The following TRIT1 variants were observed in gnomAD, a reference collection of about 807,000 sequenced individuals.
TRIT1 encodes tRNA isopentenyltransferase 1.
Under a neutral mutation model 51.2 loss-of-function variants are expected in TRIT1, and 43 were observed. The ratio of observed to expected loss-of-function variants is 0.84; its 90% CI spans 0.66 to 1.08. The LOEUF is 1.08. TRIT1 is among the 50% of genes least tolerant of loss of function. TRIT1 has a pLI of 0.00. For missense variants in TRIT1, 528 were observed against 578.4 expected, an observed-to-expected ratio of 0.91 and a Z score of 0.89; for synonymous variants, 184 against 203.9, an observed-to-expected ratio of 0.90 and a Z score of 0.83.
intron 1 of TRIT1, among the ~76,000 whole-genome samples, chr1:39,873,750 A>G (rs533744085): frequency 6.6e-6 from 1 of 152,302 alleles, no homozygotes; most frequent in Admixed American, 6.5e-5. Context: ...CGGGCCAGGC[A>G]CAGTGTCTCA....
At chr1:39,871,050 G>A (rs992492779) in intron 1 of TRIT1, among the ~76,000 whole-genome samples, 1 of 152,152 alleles carries the variant, frequency 6.6e-6, no homozygotes, top group South Asian at 2.1e-4. Context: ...AAAATTAGCT[G>A]GGCGTGGTCG....
chr1:39,839,489 T>C lies in TRIT1; in HGVS notation c.*2255A>G, dbSNP rs1167210811. Among the ~76,000 whole-genome samples, 1 of 152,130 alleles carries C rather than the reference T, an allele frequency of 6.6e-6. No homozygotes were observed. The highest frequency in any genetic ancestry group is 1.5e-5 in the Non-Finnish European group (1 of 68,012). On this transcript the variant is annotated 3_prime_UTR_variant, in exon 11 of 11. Transcript: ENST00000316891. ...CCACCACAAGACAAATTACTTTCCT[T>C]CCCTACACTCAACAGCGAAGTCATT... is the stretch of plus-strand genomic sequence containing the variant.
chr1:39,882,051 A>G (rs186134012), intron 1 of TRIT1, among the ~76,000 whole-genome samples: 3 of 152,180 alleles, frequency 2.0e-5, no homozygotes, highest in African/African-American at 7.2e-5. Context: ...CACATACTTT[A>G]TCTCATTTAA....
chr1:39,852,608 GAAC>G, intron 4 of TRIT1, 120 bp downstream of exon 4: 3 of 1,254,094 alleles, frequency 2.4e-6, no homozygotes, highest in Non-Finnish European at 2.2e-6. Context: ...TGCTGAGCTA[GAAC>G]AACACATCAA....
intron 8 of TRIT1, among the ~76,000 whole-genome samples, chr1:39,845,545 G>C (rs1225891263): frequency 4.6e-5 from 7 of 152,230 alleles, no homozygotes; most frequent in African/African-American, 1.7e-4. Context: ...AACTGGACTG[G>C]GCTGCACCTG....
rs1644322005 is a variant in TRIT1 at position 39,883,328 on chromosome 1, T to A, written c.164A>T (p.Asp55Val). 6.2e-7 allele frequency: 1 copy of A among 1,606,550 alleles called. No homozygotes were observed. Among genetic ancestry groups the A allele is most frequent in the African/African-American group, 1.3e-5 (1 of 74,590 alleles). Residue 55 changes from aspartate (D) to valine (V), a missense_variant, in exon 1 of 11, where the codon GAC (aspartate) becomes GTC (valine). Around this residue, in one of 3 missense-constraint regions of TRIT1, gnomAD observed 468 missense variants for 522.6 expected, o/e 0.90. Coordinates refer to ENST00000316891, the MANE Select transcript of TRIT1 (RefSeq NM_017646.6). Reference sequence around the variant, plus strand: ...GCCGCACTGCCATACCTGCATGGAGTCAGCGCTGACGATCTCACCGCCGAG... The same window carrying A: ...GCCGCACTGCCATACCTGCATGGAGACAGCGCTGACGATCTCACCGCCGAG... ...QRLGGEIVSADSMQVYEGLDI... is the reference protein window; with the variant it reads ...QRLGGEIVSAVSMQVYEGLDI...
intron 1 of TRIT1, among the ~76,000 whole-genome samples, chr1:39,882,245 C>A (rs1644288327): frequency 6.6e-6 from 1 of 152,178 alleles, no homozygotes; most frequent in East Asian, 1.9e-4. Context: ...ATTATCCGAT[C>A]GTTTCATGTG....
chr1:39,868,416 G>A (rs963711625), intron 1 of TRIT1, among the ~76,000 whole-genome samples: 1 of 151,944 alleles, frequency 6.6e-6, no homozygotes, highest in Admixed American at 6.6e-5. Context: ...GCTGAGGCAG[G>A]TGAATCATCT....
rs534243941 is a variant in TRIT1 at position 39,865,810 on chromosome 1, C to T, written c.175-8393G>A. Among the ~76,000 whole-genome samples the T allele has an allele frequency of 1.9e-4, 28 of 150,412 alleles. No individual in the cohort carries two copies. In the East Asian group the frequency reaches 3.7e-3, roughly 20 times the overall value. ...GCTGCAGTGGGCCATAATTGCACCA[C>T]TACACTCCAGCCTGGGCAGCACAAC... On this transcript the variant is annotated intron_variant, in intron 1 of 10. Transcript: ENST00000316891.
At position 39,883,368 on chromosome 1, in the gene TRIT1, G is replaced by A; in HGVS notation, c.124C>T (p.Gln42Ter). 2 of 1,613,044 alleles carry A rather than the reference G, an allele frequency of 1.2e-6. No individual in the cohort carries two copies. Among genetic ancestry groups the A allele is most frequent in the Non-Finnish European group, 1.7e-6 (2 of 1,179,700 alleles). Residue 42 changes from glutamine (Q) to a stop codon, truncating the protein, a stop_gained, in exon 1 of 11, where the codon CAG (glutamine) becomes TAG (stop). Coordinates refer to ENST00000316891, the MANE Select transcript of TRIT1 (RefSeq NM_017646.6). LOFTEE classifies it high-confidence loss of function. ...TGTGKSTLAL[Q>*]LGQRLGGEIV... ...TCACCGCCGAGCCGCTGGCCTAGCT[G>A]CAACGCCAGCGTGGATTTGCCGGTG...
intron 8 of TRIT1, among the ~76,000 whole-genome samples, chr1:39,844,983 G>A (rs555571646): frequency 6.6e-6 from 1 of 152,370 alleles, no homozygotes; most frequent in East Asian, 1.9e-4. Flanking sequence ...CTTTAAGTAA[G>A]TGCCTATTCT....
chr1:39,845,146 T>C (rs753251967), intron 8 of TRIT1, among the ~76,000 whole-genome samples: 6 of 152,368 alleles, frequency 3.9e-5, no homozygotes, highest in East Asian at 1.9e-4. Context: ...AACAGAATCA[T>C]ATCAACCAAT....
At chr1:39,852,997 A>G (rs935294852) in intron 3 of TRIT1, 121 bp from the exon 4 acceptor site, 8 of 1,160,632 alleles carry the variant, frequency 6.9e-6, no homozygotes, top group African/African-American at 1.6e-5. Context: ...ATATAGTGAG[A>G]GATCATAAAC....
At chr1:39,864,023 C>G (rs562360744) in intron 1 of TRIT1, among the ~76,000 whole-genome samples, 1 of 152,106 alleles carries the variant, frequency 6.6e-6, no homozygotes, top group African/African-American at 2.4e-5. Context: ...TCCCAAGTAG[C>G]TGGGATTATA....
At chr1:39,851,556 G>A (rs1169315754) in intron 4 of TRIT1, among the ~76,000 whole-genome samples, 1 of 152,098 alleles carries the variant, frequency 6.6e-6, no homozygotes, top group Non-Finnish European at 1.5e-5. Context: ...TTCTTAATGA[G>A]GTTATACATT....
At chr1:39,879,678 A>C (rs1027407502) in intron 1 of TRIT1, among the ~76,000 whole-genome samples, 7 of 151,502 alleles carry the variant, frequency 4.6e-5, no homozygotes, top group Non-Finnish European at 7.4e-5. Flanking sequence ...ATTCCAGACC[A>C]GCCTGGCCAA....
At position 39,857,313 on chromosome 1, in the gene TRIT1, G is replaced by GT. The variant is rs1397586060; in HGVS notation, c.278dup (p.Tyr93Ter). ...CTCTATTTCTGAAGTCCACCACTGTGTAATTGGTCACAAGAGGATCCACAA... is the reference window on the plus strand; with the variant it reads ...CTCTATTTCTGAAGTCCACCACTGTGTTAATTGGTCACAAGAGGATCCACAA... ...ISFVDPLVTN[Y>*]TVVDFRNRAT... Residue 93 changes from tyrosine to a stop codon, truncating the protein, a stop_gained and frameshift_variant, in exon 2 of 11, where the codon TAC becomes TAAC. Coordinates refer to ENST00000316891, the MANE Select transcript of TRIT1 (RefSeq NM_017646.6). LOFTEE classifies it high-confidence loss of function. 1 of 1,613,612 alleles carries GT rather than the reference G, an allele frequency of 6.2e-7. No individual in the cohort carries two copies. The highest frequency in any genetic ancestry group is 8.5e-7 in the Non-Finnish European group (1 of 1,179,826).
intron 10 of TRIT1, 141 bp from the exon 11 acceptor site, chr1:39,842,054 C>G (rs1641940136): frequency 8.8e-6 from 8 of 911,896 alleles, no homozygotes; most frequent in Admixed American, 3.1e-5. Flanking sequence ...ACTAGTATAG[C>G]TGCTTAGCAT....
chr1:39,849,297 T>C (rs1327180309), intron 5 of TRIT1, among the ~76,000 whole-genome samples: 1 of 152,220 alleles, frequency 6.6e-6, no homozygotes, highest in Non-Finnish European at 1.5e-5. Context: ...ACAATTCACA[T>C]AACTAGAAGC....
Sources: gnomAD v4.1 joint callset for allele counts (sites outside exome capture counted in the v4.1 genomes callset) on GRCh38, gnomAD v4.1.1 for gene constraint, gnomAD v4.1.1 regional missense constraint, MANE v1.5 for transcripts, NCBI Gene and HGNC (gene_info 2026-07-23, HGNC 2026-07-21) for gene names.